The following CCBE1 variants were observed in gnomAD, a reference collection of about 807,000 sequenced individuals.
The protein encoded by CCBE1 is collagen and calcium binding EGF domains 1, also known as collagen and calcium-binding EGF domain-containing protein 1.
In CCBE1, 37 loss-of-function variants were observed where a neutral mutation model predicts 50.0. That is an observed-to-expected ratio of 0.74 (90% confidence interval 0.57 to 0.97). The LOEUF (loss-of-function observed/expected upper bound fraction) is 0.97. CCBE1 is among the 50% of genes least tolerant of loss of function. The pLI, the probability that CCBE1 is intolerant of heterozygous loss-of-function variation, is 0.00. For missense variants in CCBE1, 538 were observed against 523.8 expected (o/e 1.03, Z -0.26); for synonymous variants, 234 against 203.7 (o/e 1.15, Z -1.27).
At chr18:59,636,722 G>A (rs965324704) in intron 2 of CCBE1, among the ~76,000 whole-genome samples, 1 of 152,114 alleles carries the variant, frequency 6.6e-6, no homozygotes. Flanking sequence ...TTGGACAGAA[G>A]AAATATTGTC....
At chr18:59,686,444 C>A (rs1405762045) in intron 2 of CCBE1, among the ~76,000 whole-genome samples, 3 of 152,220 alleles carry the variant, frequency 2.0e-5, no homozygotes, top group African/African-American at 7.2e-5. Context: ...TGAAGCCCAG[C>A]CCTGCCATGC....
At chr18:59,615,911 G>A (rs2053630953) in intron 2 of CCBE1, among the ~76,000 whole-genome samples, 1 of 152,152 alleles carries the variant, frequency 6.6e-6, no homozygotes, top group Non-Finnish European at 1.5e-5. Flanking sequence ...TTACCAAGGG[G>A]ACTATTATTA....
chr18:59,562,994 A>G (rs890492316), intron 2 of CCBE1, among the ~76,000 whole-genome samples: 8 of 152,248 alleles, frequency 5.3e-5, no homozygotes, highest in African/African-American at 1.9e-4. Context: ...AGCCCAAAAC[A>G]GAGACAAGAC....
intron 2 of CCBE1, chr18:59,568,665 T>C (rs1271424546): frequency 6.6e-6 from 1 of 152,214 alleles, no homozygotes; most frequent in Non-Finnish European, 1.5e-5. Context: ...GTGCACGCTG[T>C]AGGCGGCCCA....
intron 2 of CCBE1, among the ~76,000 whole-genome samples, chr18:59,536,347 T>C (rs966706816): frequency 2.6e-5 from 4 of 152,170 alleles, no homozygotes; most frequent in Admixed American, 2.6e-4. Context: ...CTGGGCTCTC[T>C]CTCCTCCTCC....
At chr18:59,642,480 GA>G (rs1337336684) in intron 2 of CCBE1, among the ~76,000 whole-genome samples, 1 of 151,674 alleles carries the variant, frequency 6.6e-6, no homozygotes, top group Non-Finnish European at 1.5e-5. Flanking sequence ...ACATCCTCTA[GA>G]AAAACTTGCG....
At chr18:59,448,850 C>T (rs966177442) in intron 6 of CCBE1, among the ~76,000 whole-genome samples, 2 of 152,194 alleles carry the variant, frequency 1.3e-5, no homozygotes, top group Admixed American at 6.5e-5. Flanking sequence ...CAAGTCAGGG[C>T]TCATGATTCA....
chr18:59,620,525 G>A (rs1171401483), intron 2 of CCBE1, among the ~76,000 whole-genome samples: 1 of 152,124 alleles, frequency 6.6e-6, no homozygotes, highest in African/African-American at 2.4e-5. Flanking sequence ...ATATGGTTTG[G>A]TTGTGTCCCC....
chr18:59,492,529 T>TCC (rs1352665267), intron 2 of CCBE1, among the ~76,000 whole-genome samples: 1 of 152,126 alleles, frequency 6.6e-6, no homozygotes, highest in Non-Finnish European at 1.5e-5. Context: ...ATGCCCTCCC[T>TCC]CCCTCCTTCC....
chr18:59,439,062 G>A (rs749212164), intron 9 of CCBE1, among the ~76,000 whole-genome samples: 48 of 152,180 alleles, frequency 3.2e-4, no homozygotes, highest in African/African-American at 1.1e-3. Flanking sequence ...CGAGGTGGGC[G>A]GATCACGAAG....
At position 59,438,078 on chromosome 18, in the gene CCBE1, C is replaced by T. The variant is rs370344440; in HGVS notation, c.987+33G>A. 5 of 1,612,700 alleles carry T rather than the reference C, an allele frequency of 3.1e-6. No homozygotes were observed. In the African/African-American group the frequency reaches 5.3e-5, roughly 17 times the overall value. ...CAGAGCTGCATCCCTGAGAACGTTC[C>T]CCTGGGGAAGCAGGACACAGAGTGC... On this transcript the variant is annotated intron_variant, in intron 10 of 10. Coordinates refer to ENST00000439986, the MANE Select transcript of CCBE1 (RefSeq NM_133459.4).
intron 2 of CCBE1, among the ~76,000 whole-genome samples, chr18:59,636,778 T>C (rs560894981): frequency 3.3e-5 from 5 of 152,176 alleles, no homozygotes; most frequent in Non-Finnish European, 7.4e-5. Flanking sequence ...CAAAAAAGAA[T>C]CTGTTTATAC....
intron 6 of CCBE1, among the ~76,000 whole-genome samples, chr18:59,449,609 AGAGT>A (rs1387139080): frequency 7.5e-6 from 1 of 133,358 alleles, no homozygotes; most frequent in Non-Finnish European, 1.6e-5. Context: ...CCTGGGCAAC[AGAGT>A]GAGACTCTGT....
In CCBE1 at chr18:59,435,623, C is replaced by T; in HGVS notation, c.*285G>A. On this transcript the variant is annotated 3_prime_UTR_variant, in exon 11 of 11. Coordinates refer to ENST00000439986, the MANE Select transcript of CCBE1 (RefSeq NM_133459.4). ...TGTGAGAGTACTTAAATCCAAAGTT[C>T]CTGGAAAAATAGGATGTAAAAGAAA... 8 of 465,402 alleles carry T rather than the reference C, an allele frequency of 1.7e-5. No individual in the cohort carries two copies. The South Asian group carries it at 1.9e-4, about 11-fold the overall frequency. The allele number at this position is 465,402 out of a possible 1,614,324, so 28.8% of individuals were successfully genotyped here.
intron 2 of CCBE1, among the ~76,000 whole-genome samples, chr18:59,518,036 C>G (rs957656759): frequency 3.3e-5 from 5 of 151,636 alleles, no homozygotes; most frequent in African/African-American, 1.2e-4. Flanking sequence ...AACTTGCACC[C>G]ATTCCTAGGC....
At chr18:59,590,720 T>G (rs1179166464) in intron 2 of CCBE1, among the ~76,000 whole-genome samples, 1 of 152,162 alleles carries the variant, frequency 6.6e-6, no homozygotes, top group Admixed American at 6.5e-5. Flanking sequence ...CCTGACTACT[T>G]TGGAAATTTT....
intron 2 of CCBE1, among the ~76,000 whole-genome samples, chr18:59,663,273 A>C (rs1599114204): frequency 6.6e-6 from 1 of 152,178 alleles, no homozygotes; most frequent in Non-Finnish European, 1.5e-5. Context: ...TGGTTGTGAA[A>C]AATGCACAAA....
intron 2 of CCBE1, among the ~76,000 whole-genome samples, chr18:59,494,914 G>A (rs981438571): frequency 6.6e-6 from 1 of 152,142 alleles, no homozygotes; most frequent in African/African-American, 2.4e-5. Context: ...AGCACTTTGG[G>A]AGGCCAAGGC....
At chr18:59,594,684 GTAGA>G (rs796284662) in intron 2 of CCBE1, among the ~76,000 whole-genome samples, 3 of 152,302 alleles carry the variant, frequency 2.0e-5, no homozygotes, top group African/African-American at 7.2e-5. Flanking sequence ...TAGCCTAGCA[GTAGA>G]TACTCATTTC....
Sources: gnomAD v4.1 joint callset for allele counts (sites outside exome capture counted in the v4.1 genomes callset) on GRCh38, gnomAD v4.1.1 for gene constraint, MANE v1.5 for transcripts, NCBI Gene and HGNC (gene_info 2026-07-23, HGNC 2026-07-21) for gene names.